GRIA4: variants seen among roughly 807,000 people sequenced by gnomAD.
The protein encoded by GRIA4 is glutamate receptor 4.
GRIA4 carries 34 observed loss-of-function variants against 104.0 expected under a neutral mutation model. The ratio of observed to expected loss-of-function variants is 0.33; its 90% confidence interval spans 0.25 to 0.44. The LOEUF (loss-of-function observed/expected upper bound fraction) is 0.44, where lower values mean the gene tolerates loss of function less well. Ranked by LOEUF, GRIA4 falls within the 20% of genes least tolerant of loss-of-function variation. GRIA4 has a pLI of 1.00. For missense variants in GRIA4, 750 were observed against 1,096.5 expected (o/e 0.68, Z 4.46); for synonymous variants, 386 against 381.9 (o/e 1.01, Z -0.13).
intron 4 of GRIA4, among the ~76,000 whole-genome samples, chr11:105,821,039 T>C (rs1333557663): frequency 6.6e-6 from 1 of 152,148 alleles, no homozygotes. Context: ...ACCATTGACC[T>C]CTCTTCCTCA....
chr11:105,666,081 G>A (rs999831552), intron 3 of GRIA4, among the ~76,000 whole-genome samples: 1 of 151,936 alleles, frequency 6.6e-6, no homozygotes, highest in African/African-American at 2.4e-5. Flanking sequence ...ATGTTTTTCT[G>A]TATAGAGGTA....
At chr11:105,908,963 A>G (rs1238135270) in intron 9 of GRIA4, among the ~76,000 whole-genome samples, 2 of 152,192 alleles carry the variant, frequency 1.3e-5, no homozygotes, top group African/African-American at 4.8e-5. Flanking sequence ...ACACATAAGA[A>G]TTGAGGAGAG....
intron 3 of GRIA4, among the ~76,000 whole-genome samples, chr11:105,652,131 G>A (rs925648082): frequency 2.6e-5 from 4 of 152,064 alleles, no homozygotes; most frequent in African/African-American, 9.7e-5. Context: ...GATATTTTAT[G>A]ACAAACATTC....
chr11:105,844,598 G>A (rs896619627), intron 4 of GRIA4, among the ~76,000 whole-genome samples: 3 of 152,180 alleles, frequency 2.0e-5, no homozygotes, highest in Non-Finnish European at 4.4e-5. Context: ...GCATAATGTA[G>A]TCTTTGTACA....
chr11:105,791,744 G>A (rs564688400), intron 4 of GRIA4, among the ~76,000 whole-genome samples: 1 of 152,196 alleles, frequency 6.6e-6, no homozygotes, highest in African/African-American at 2.4e-5. Flanking sequence ...GAAAAATAAG[G>A]CACCTGAGTG....
intron 4 of GRIA4, among the ~76,000 whole-genome samples, chr11:105,807,682 T>C (rs1943006606): frequency 6.6e-6 from 1 of 151,916 alleles, no homozygotes; most frequent in Non-Finnish European, 1.5e-5. Flanking sequence ...ACATATCCAA[T>C]TATTTTTTTC....
rs60005308 is a variant in GRIA4, at chr11:105,911,775, AATATATAT to A, written c.1269+1257_1269+1264del. On this transcript the variant is annotated intron_variant, in intron 10 of 16. Coordinates refer to ENST00000282499, the MANE Select transcript of GRIA4 (RefSeq NM_000829.4). ...AATATTTGCATGGGACTTGAAAAGC[AATATATAT>A]ATATATATATATATATATATATATA... The A allele has an allele frequency of 1.4e-3, 104 of 74,648 alleles. 3 individuals are homozygous for A. Among genetic ancestry groups the A allele is most frequent in the South Asian group, 2.1e-3 (4 of 1,882 alleles). The allele number at this position is 74,648 out of a possible 1,614,324, so 4.6% of individuals were successfully genotyped here. A position where few individuals can be genotyped will look rare whatever the true frequency, so the allele number is the denominator to read the frequency against.
intron 11 of GRIA4, among the ~76,000 whole-genome samples, chr11:105,923,570 G>A (rs551580718): frequency 1.3e-5 from 2 of 152,236 alleles, no homozygotes; most frequent in East Asian, 3.9e-4. Context: ...CCTTATTAAG[G>A]CTTCTAATAA....
At chr11:105,826,019 G>A (rs1943757909) in intron 4 of GRIA4, among the ~76,000 whole-genome samples, 1 of 151,978 alleles carries the variant, frequency 6.6e-6, no homozygotes, top group African/African-American at 2.4e-5. Context: ...AGATGGGCTG[G>A]TGGGCCCCGT....
intron 13 of GRIA4, among the ~76,000 whole-genome samples, chr11:105,928,757 T>A (rs1947791461): frequency 6.6e-6 from 1 of 152,038 alleles, no homozygotes; most frequent in Non-Finnish European, 1.5e-5. Flanking sequence ...GTGAAAATAT[T>A]TCAAAAGTAA....
chr11:105,866,519 AT>A (rs1337097995), intron 5 of GRIA4, among the ~76,000 whole-genome samples: 1 of 140,492 alleles, frequency 7.1e-6, no homozygotes, highest in Non-Finnish European at 1.5e-5. Flanking sequence ...ATATACACAC[AT>A]ACATATATAC....
At chr11:105,848,613 A>G (rs943075958) in intron 4 of GRIA4, among the ~76,000 whole-genome samples, 2 of 152,186 alleles carry the variant, frequency 1.3e-5, no homozygotes, top group Non-Finnish European at 2.9e-5. Context: ...GCTCAAAGCT[A>G]CATCAGTTAG....
At chr11:105,699,948 C>A (rs1027015530) in intron 3 of GRIA4, among the ~76,000 whole-genome samples, 15 of 152,150 alleles carry the variant, frequency 9.9e-5, no homozygotes, top group African/African-American at 3.6e-4. Context: ...AAAATAGGAA[C>A]ACTGTCTGTT....
intron 14 of GRIA4, among the ~76,000 whole-genome samples, chr11:105,947,220 C>G (rs573267069): frequency 3.1e-4 from 47 of 152,272 alleles, no homozygotes; most frequent in African/African-American, 1.1e-3. Flanking sequence ...GACTGATTGT[C>G]TGATATAACC....
At chr11:105,846,983 T>A (rs1591342388) in intron 4 of GRIA4, among the ~76,000 whole-genome samples, 1 of 152,196 alleles carries the variant, frequency 6.6e-6, no homozygotes, top group African/African-American at 2.4e-5. Context: ...GTCCCCAATC[T>A]TTTTGGCACC....
chr11:105,813,895 G>C (rs1353679806), intron 4 of GRIA4, among the ~76,000 whole-genome samples: 1 of 152,148 alleles, frequency 6.6e-6, no homozygotes, highest in Non-Finnish European at 1.5e-5. Flanking sequence ...TCATGAGAGA[G>C]AGAGTGGGCG....
chr11:105,661,831 A>T (rs1181408426), intron 3 of GRIA4, among the ~76,000 whole-genome samples: 2 of 151,660 alleles, frequency 1.3e-5, no homozygotes, highest in Non-Finnish European at 3.0e-5. Flanking sequence ...TAGGCAAGAG[A>T]TTTTCCTTGT....
At chr11:105,873,637 CAT>C (rs1945705534) in intron 5 of GRIA4, among the ~76,000 whole-genome samples, 1 of 152,130 alleles carries the variant, frequency 6.6e-6, no homozygotes, top group South Asian at 2.1e-4. Context: ...GATGGTATCT[CAT>C]TGTGGTTTTG....
chr11:105,641,566 TA>T (rs1351187383), intron 3 of GRIA4, among the ~76,000 whole-genome samples: 1 of 152,184 alleles, frequency 6.6e-6, no homozygotes, highest in African/African-American at 2.4e-5. Flanking sequence ...GAGCATATCT[TA>T]CAAACATATG....
Sources: gnomAD v4.1 joint callset for allele counts (sites outside exome capture counted in the v4.1 genomes callset) on GRCh38, gnomAD v4.1.1 for gene constraint, MANE v1.5 for transcripts, NCBI Gene and HGNC (gene_info 2026-07-23, HGNC 2026-07-21) for gene names.